KIF26B: variants seen among roughly 807,000 people sequenced by gnomAD.
KIF26B encodes kinesin family member 26B.
In KIF26B, 63 loss-of-function variants were observed where a neutral mutation model predicts 151.2. That is an observed-to-expected ratio of 0.42 (90% CI 0.34 to 0.51). The LOEUF is 0.51. Among genes scored for constraint, KIF26B ranks in the 20% least tolerant of loss-of-function variants. The pLI is 0.07. For missense variants in KIF26B, 2,813 were observed against 2,913.6 expected (o/e 0.97, Z 0.79); for synonymous variants, 1,357 against 1,262.1 (o/e 1.08, Z -1.59).
intron 2 of KIF26B, among the ~76,000 whole-genome samples, chr1:245,334,021 C>G (rs901424453): frequency 2.0e-5 from 3 of 151,804 alleles, no homozygotes; most frequent in Non-Finnish European, 4.4e-5. Flanking sequence ...ATCTCCTCTA[C>G]GAGTGGATGT....
intron 4 of KIF26B, among the ~76,000 whole-genome samples, chr1:245,422,280 T>C (rs998419868): frequency 6.6e-6 from 1 of 151,424 alleles, no homozygotes; most frequent in Non-Finnish European, 1.5e-5. Flanking sequence ...TTTCTATAGA[T>C]TTCCCCCCCA....
intron 2 of KIF26B, among the ~76,000 whole-genome samples, chr1:245,243,441 T>TACACACACAC (rs762132705): frequency 5.8e-5 from 2 of 34,536 alleles, no homozygotes; most frequent in South Asian, 1.4e-3. Context: ...CATACATATA[T>TACACACACAC]ATATATACAC....
chr1:245,310,400 A>G (rs1451896141), intron 2 of KIF26B, among the ~76,000 whole-genome samples: 1 of 152,132 alleles, frequency 6.6e-6, no homozygotes, highest in Non-Finnish European at 1.5e-5. Flanking sequence ...AAATAACAAT[A>G]TCACTAATAA....
At chr1:245,398,411 C>G (rs148162783) in intron 3 of KIF26B, among the ~76,000 whole-genome samples, 10 of 152,240 alleles carry the variant, frequency 6.6e-5, no homozygotes, top group Middle Eastern at 6.8e-3. Context: ...GCTTGTGGAG[C>G]CACCGTAAAG....
At chr1:245,693,690 G>T (rs1005437388) in intron 12 of KIF26B, among the ~76,000 whole-genome samples, 1 of 152,136 alleles carries the variant, frequency 6.6e-6, no homozygotes, top group African/African-American at 2.4e-5. Context: ...TTCCCAGGGC[G>T]CTGCACAAAA....
intron 3 of KIF26B, among the ~76,000 whole-genome samples, chr1:245,369,011 G>C (rs954962549): frequency 2.6e-5 from 4 of 152,076 alleles, no homozygotes; most frequent in Admixed American, 2.6e-4. Context: ...GGTGGCATGC[G>C]CCTGTAGTGT....
chr1:245,453,946 T>C (rs1411443241), intron 4 of KIF26B, among the ~76,000 whole-genome samples: 1 of 152,226 alleles, frequency 6.6e-6, no homozygotes, highest in Non-Finnish European at 1.5e-5. Context: ...ATTCTCATCA[T>C]GTTCAAGCAG....
intron 3 of KIF26B, among the ~76,000 whole-genome samples, chr1:245,417,338 G>A (rs1013389997): frequency 1.3e-5 from 2 of 151,972 alleles, no homozygotes; most frequent in Non-Finnish European, 2.9e-5. Context: ...GGCAGTTAAA[G>A]GAAGGAGGTA....
chr1:245,553,537 TA>T (rs758239480), intron 5 of KIF26B, among the ~76,000 whole-genome samples: 16 of 152,236 alleles, frequency 1.1e-4, no homozygotes, highest in Non-Finnish European at 2.2e-4. Context: ...TATATATGAA[TA>T]TTTTTTATGG....
At chr1:245,384,983 A>G (rs984329602) in intron 3 of KIF26B, among the ~76,000 whole-genome samples, 6 of 152,076 alleles carry the variant, frequency 3.9e-5, no homozygotes, top group Non-Finnish European at 8.8e-5. Context: ...TTACAGCATC[A>G]CCTCTTGATC....
At chr1:245,450,186 G>A (rs1002440178) in intron 4 of KIF26B, among the ~76,000 whole-genome samples, 4 of 152,058 alleles carry the variant, frequency 2.6e-5, no homozygotes, top group Admixed American at 2.0e-4. Context: ...GTATTTTGGG[G>A]GCCATTTTCT....
At chr1:245,631,333 T>A (rs555447643) in intron 9 of KIF26B, among the ~76,000 whole-genome samples, 1 of 152,358 alleles carries the variant, frequency 6.6e-6, no homozygotes, top group African/African-American at 2.4e-5. Flanking sequence ...GTTTTTATCA[T>A]GAAGGATGTT....
intron 4 of KIF26B, among the ~76,000 whole-genome samples, chr1:245,423,941 C>T (rs181208307): frequency 5.6e-4 from 84 of 151,146 alleles, no homozygotes; most frequent in Admixed American, 1.7e-3. Flanking sequence ...CGGGCTCAAG[C>T]GATCCTCCCA....
rs900369868 is a variant in KIF26B at position 245,239,897 on chromosome 1, C to T, written c.465+83214C>T. Among the ~76,000 whole-genome samples the T allele has an allele frequency of 6.0e-5, 9 of 151,234 alleles. No homozygotes were observed. The highest frequency in any genetic ancestry group is 9.7e-5 in the African/African-American group (4 of 41,194). ...ACTATATAAAGAGTCACTTTCCGGC[C>T]GGGTGTGGTCACTCACGCCTGTAAT... is the stretch of plus-strand genomic sequence containing the variant. On this transcript the variant is annotated intron_variant, in intron 2 of 14. Transcript: ENST00000407071. This position sits in a 1 kb window ranked among gnomAD's most constrained non-coding sequence, Gnocchi z 4.3.
intron 4 of KIF26B, among the ~76,000 whole-genome samples, chr1:245,451,093 A>G (rs145586900): frequency 2.0e-3 from 295 of 149,832 alleles, no homozygotes; most frequent in African/African-American, 6.9e-3. Flanking sequence ...CCGTTTTTCT[A>G]TTTGCTACCT....
rs115902126 is a variant in KIF26B at position 245,289,421 on chromosome 1, T to A, written c.466-77413T>A. ...ACTTGAAAAAATCATCTAATAAACA[T>A]TTATTATTAGCTACCCTTTGCCTGA... On this transcript the variant is annotated intron_variant, in intron 2 of 14. Coordinates refer to ENST00000407071, the MANE Select transcript of KIF26B (RefSeq NM_018012.4). Among the ~76,000 whole-genome samples the A allele has an allele frequency of 6.0e-3, 917 of 152,258 alleles. 11 individuals are homozygous for A. Among genetic ancestry groups the A allele is most frequent in the African/African-American group, 0.021 (857 of 41,556 alleles).
chr1:245,605,408 G>A (rs757180967), intron 6 of KIF26B, among the ~76,000 whole-genome samples: 23 of 152,206 alleles, frequency 1.5e-4, no homozygotes, highest in Non-Finnish European at 2.4e-4. Context: ...CTGTGAAGCC[G>A]CAGCCACTGT....
intron 10 of KIF26B, among the ~76,000 whole-genome samples, chr1:245,658,642 T>C (rs975932096): frequency 1.3e-5 from 2 of 152,178 alleles, no homozygotes; most frequent in Non-Finnish European, 2.9e-5. Context: ...TCCTCCTGCC[T>C]TGGCCTCCCA....
At position 245,703,139 on chromosome 1, in the gene KIF26B, T is replaced by C. The variant is rs1410983991; in HGVS notation, c.*533T>C. ...ATTTTGGAAATGTATTCACAGCTCT[T>C]TTTCTCTTGGTGTTTTATCCTATTT... On this transcript the variant is annotated 3_prime_UTR_variant, in exon 15 of 15. Coordinates refer to ENST00000407071, the MANE Select transcript of KIF26B (RefSeq NM_018012.4). The C allele has an allele frequency of 6.5e-6, 1 of 153,026 alleles. No homozygotes were observed. Among genetic ancestry groups the C allele is most frequent in the Non-Finnish European group, 1.5e-5 (1 of 68,318 alleles). 9.5% of individuals were successfully genotyped at this position (153,026 alleles called of 1,614,324 possible). A position where few individuals can be genotyped will look rare whatever the true frequency, so the allele number is the denominator to read the frequency against.
Sources: gnomAD v4.1 joint callset for allele counts (sites outside exome capture counted in the v4.1 genomes callset) on GRCh38, gnomAD v4.1.1 for gene constraint, Gnocchi (gnomAD v3.1) non-coding constraint, MANE v1.5 for transcripts, NCBI Gene and HGNC (gene_info 2026-07-23, HGNC 2026-07-21) for gene names.